SLC2A13: variants seen among roughly 807,000 people sequenced by gnomAD.
The protein encoded by SLC2A13 is solute carrier family 2 member 13, also known as proton myo-inositol cotransporter.
In SLC2A13, 32 loss-of-function variants were observed where a neutral mutation model predicts 64.4. The ratio of observed to expected loss-of-function variants is 0.50; its 90% CI spans 0.37 to 0.67. The LOEUF (loss-of-function observed/expected upper bound fraction) is 0.67, where lower values mean the gene tolerates loss of function less well. Among genes scored for constraint, SLC2A13 ranks in the 30% least tolerant of loss-of-function variants. SLC2A13 has a pLI of 0.00. For missense variants in SLC2A13, 743 were observed against 829.2 expected (o/e 0.90, Z 1.28); for synonymous variants, 338 against 327.1 (o/e 1.03, Z -0.36).
In SLC2A13 at chr12:40,105,972, C is replaced by T; in HGVS notation, c.-164G>A. The T allele has an allele frequency of 1.1e-6, 1 of 878,002 alleles. No individual in the cohort carries two copies. The allele number at this position is 878,002 out of a possible 1,614,324, so 54.4% of individuals were successfully genotyped here. ...GCAGCAGCCGCCGCCACGGCCGCTC[C>T]GGGGAGAAAGTTGCTGCCCGCCGCG... On this transcript the variant is annotated 5_prime_UTR_variant, in exon 1 of 10. Coordinates refer to ENST00000280871, the MANE Select transcript of SLC2A13 (RefSeq NM_052885.4). This position sits in a 1 kb window ranked among gnomAD's most constrained non-coding sequence, Gnocchi z 4.2.
intron 4 of SLC2A13, among the ~76,000 whole-genome samples, chr12:39,896,386 A>T (rs559941645): frequency 1.5e-5 from 2 of 130,742 alleles, no homozygotes; most frequent in Admixed American, 1.5e-4. Context: ...ATATGTATGT[A>T]TATGTGTATA....
intron 7 of SLC2A13, among the ~76,000 whole-genome samples, chr12:39,773,753 T>C (rs1349918215): frequency 3.9e-5 from 6 of 152,188 alleles, no homozygotes; most frequent in African/African-American, 1.4e-4. Flanking sequence ...ATGACCTGTG[T>C]ATAAAAACCA....
At chr12:39,981,375 A>G (rs901776873) in intron 3 of SLC2A13, among the ~76,000 whole-genome samples, 5 of 152,246 alleles carry the variant, frequency 3.3e-5, no homozygotes, top group African/African-American at 1.2e-4. Flanking sequence ...CAAAAAATCA[A>G]TGAATCCAGG....
intron 2 of SLC2A13, among the ~76,000 whole-genome samples, chr12:40,040,403 G>T (rs1948065412): frequency 6.6e-6 from 1 of 152,106 alleles, no homozygotes; most frequent in South Asian, 2.1e-4. Flanking sequence ...ACTTTTTGGG[G>T]TTGTTTTGAA....
At chr12:39,880,824 C>CT (rs1273882394) in intron 4 of SLC2A13, among the ~76,000 whole-genome samples, 2 of 152,206 alleles carry the variant, frequency 1.3e-5, no homozygotes, top group African/African-American at 4.8e-5. Context: ...AGCCACATCA[C>CT]TGACTTTCCT....
intron 3 of SLC2A13, among the ~76,000 whole-genome samples, chr12:39,985,884 G>T (rs1947022291): frequency 6.6e-6 from 1 of 152,014 alleles, no homozygotes; most frequent in African/African-American, 2.4e-5. Context: ...ATTTGTCTTA[G>T]TCCATTTCAG....
chr12:39,866,896 A>G (rs546956457), intron 5 of SLC2A13, among the ~76,000 whole-genome samples: 24 of 152,310 alleles, frequency 1.6e-4, no homozygotes, highest in African/African-American at 5.5e-4. Flanking sequence ...AAGGATGGGG[A>G]GGATTAAAGA....
chr12:39,951,965 G>A (rs1036445728), intron 3 of SLC2A13, among the ~76,000 whole-genome samples: 1 of 152,122 alleles, frequency 6.6e-6, no homozygotes, highest in Admixed American at 6.5e-5. Flanking sequence ...CTATAGATGT[G>A]TGTATGTGTG....
At chr12:39,875,286 G>A (rs999474082) in intron 4 of SLC2A13, among the ~76,000 whole-genome samples, 14 of 152,086 alleles carry the variant, frequency 9.2e-5, no homozygotes, top group African/African-American at 3.4e-4. Context: ...CTAATTCCCT[G>A]GCTGGTGGCC....
intron 4 of SLC2A13, among the ~76,000 whole-genome samples, chr12:39,896,927 GA>G (rs1944937920): frequency 6.6e-6 from 1 of 152,102 alleles, no homozygotes; most frequent in African/African-American, 2.4e-5. Flanking sequence ...ACTTCCCAGA[GA>G]ATGAAGTAGA....
At chr12:40,019,822 T>C (rs1947682943) in intron 3 of SLC2A13, among the ~76,000 whole-genome samples, 1 of 152,156 alleles carries the variant, frequency 6.6e-6, no homozygotes, top group Non-Finnish European at 1.5e-5. Flanking sequence ...AAAACTGTAC[T>C]GAAAAACGTG....
intron 4 of SLC2A13, among the ~76,000 whole-genome samples, chr12:39,902,458 CAA>C (rs142170817): frequency 0.012 from 1,781 of 152,074 alleles, 21 homozygotes; most frequent in Middle Eastern, 0.027. Context: ...AATGTTATTT[CAA>C]TACTCAGTTC....
At chr12:39,814,055 A>G (rs1003417104) in intron 7 of SLC2A13, among the ~76,000 whole-genome samples, 6 of 152,212 alleles carry the variant, frequency 3.9e-5, no homozygotes, top group Non-Finnish European at 8.8e-5. Context: ...ATCTTTCAAG[A>G]CGAGGAAAAC....
At chr12:40,075,284 G>A (rs1036228796) in intron 1 of SLC2A13, among the ~76,000 whole-genome samples, 1 of 152,112 alleles carries the variant, frequency 6.6e-6, no homozygotes, top group African/African-American at 2.4e-5. Flanking sequence ...TGAATCTCTA[G>A]CAATTTGTCA....
intron 3 of SLC2A13, among the ~76,000 whole-genome samples, chr12:39,977,818 T>C (rs1279808668): frequency 6.6e-6 from 1 of 152,240 alleles, no homozygotes; most frequent in African/African-American, 2.4e-5. Context: ...GAGATTCCTA[T>C]AAATTAATGA....
intron 7 of SLC2A13, among the ~76,000 whole-genome samples, chr12:39,799,543 C>A (rs1941710852): frequency 6.6e-6 from 1 of 151,556 alleles, no homozygotes; most frequent in African/African-American, 2.4e-5. Flanking sequence ...TAGAGTAAAT[C>A]AAATAAAGTA....
chr12:40,070,276 G>T lies in SLC2A13; in HGVS notation c.557-22066C>A, dbSNP rs1937903408. 2.6e-5 allele frequency among the ~76,000 whole-genome samples: 4 copies of T among 151,902 alleles called. No individual in the cohort carries two copies. In the South Asian group the frequency reaches 8.3e-4, roughly 32 times the overall value. On this transcript the variant is annotated intron_variant, in intron 1 of 9. Transcript: ENST00000280871. ...GGTAGATTTCTCTATACACTGGAAAGAAACCAAAAGAACATGAACATTTAT... is the reference window on the plus strand; with the variant it reads ...GGTAGATTTCTCTATACACTGGAAATAAACCAAAAGAACATGAACATTTAT...
intron 1 of SLC2A13, among the ~76,000 whole-genome samples, chr12:40,052,992 T>C (rs1378191035): frequency 6.6e-6 from 1 of 152,052 alleles, no homozygotes; most frequent in Non-Finnish European, 1.5e-5. Flanking sequence ...TGTAAAATCA[T>C]CCTATCAGGC....
At chr12:39,802,427 GAAGT>G (rs746353326) in intron 7 of SLC2A13, 4 of 152,296 alleles carry the variant, frequency 2.6e-5, no homozygotes, top group African/African-American at 9.6e-5. Flanking sequence ...TTGATGCACA[GAAGT>G]AAGAGGAATA....
Sources: gnomAD v4.1 joint callset for allele counts (sites outside exome capture counted in the v4.1 genomes callset) on GRCh38, gnomAD v4.1.1 for gene constraint, Gnocchi (gnomAD v3.1) non-coding constraint, MANE v1.5 for transcripts, NCBI Gene and HGNC (gene_info 2026-07-23, HGNC 2026-07-21) for gene names.